The following PAK5 variants were observed in gnomAD, a reference collection of about 807,000 sequenced individuals.
PAK5 encodes the protein p21 (RAC1) activated kinase 5.
PAK5 carries 16 observed loss-of-function variants against 65.9 expected under a neutral mutation model. The ratio of observed to expected loss-of-function variants is 0.24; its 90% CI spans 0.16 to 0.37. The LOEUF (loss-of-function observed/expected upper bound fraction) is 0.37. PAK5 is among the 10% of genes least tolerant of loss of function. The pLI is 1.00. For missense variants in PAK5, 785 were observed against 903.9 expected (o/e 0.87, Z 1.69); for synonymous variants, 371 against 354.9 (o/e 1.05, Z -0.51).
chr20:9,620,772 G>A (rs572019557), intron 3 of PAK5, among the ~76,000 whole-genome samples: 5 of 152,216 alleles, frequency 3.3e-5, no homozygotes, highest in South Asian at 2.1e-4. Flanking sequence ...GGCTTCCTCC[G>A]TGCATCTCAA....
intron 1 of PAK5, among the ~76,000 whole-genome samples, chr20:9,722,676 G>T (rs1466355477): frequency 6.6e-6 from 1 of 151,938 alleles, no homozygotes; most frequent in Non-Finnish European, 1.5e-5. Context: ...ACCAGACCAC[G>T]CATGGCTTTT....
chr20:9,709,044 C>T (rs1390329090), intron 2 of PAK5, among the ~76,000 whole-genome samples: 1 of 152,144 alleles, frequency 6.6e-6, no homozygotes, highest in African/African-American at 2.4e-5. Flanking sequence ...ACCTAAGGCA[C>T]CATTACTCTT....
chr20:9,750,767 GGC>G (rs2048566885), intron 1 of PAK5, among the ~76,000 whole-genome samples: 1 of 151,960 alleles, frequency 6.6e-6, no homozygotes, highest in African/African-American at 2.4e-5. Context: ...TGCTATTAAG[GGC>G]CATGATCGCT....
intron 2 of PAK5, among the ~76,000 whole-genome samples, chr20:9,646,106 AT>A (rs1473664779): frequency 1.3e-5 from 2 of 152,232 alleles, no homozygotes; most frequent in African/African-American, 4.8e-5. Context: ...CAGCACATTT[AT>A]TCAGTAAATA....
At chr20:9,776,572 C>A (rs1481295565) in intron 1 of PAK5, among the ~76,000 whole-genome samples, 2 of 152,140 alleles carry the variant, frequency 1.3e-5, no homozygotes, top group African/African-American at 4.8e-5. Flanking sequence ...TATATCATTT[C>A]TAGGAATGGT....
At chr20:9,548,512 A>G (rs1472962267) in intron 7 of PAK5, among the ~76,000 whole-genome samples, 1 of 152,062 alleles carries the variant, frequency 6.6e-6, no homozygotes, top group Admixed American at 6.6e-5. Flanking sequence ...CATGCACTCA[A>G]TCCTGAACTG....
At chr20:9,599,488 T>C (rs927521886) in intron 3 of PAK5, among the ~76,000 whole-genome samples, 9 of 152,250 alleles carry the variant, frequency 5.9e-5, no homozygotes, top group Non-Finnish European at 1.2e-4. Flanking sequence ...AGGATGCCAA[T>C]GTCTCCGCAT....
At chr20:9,617,464 C>T (rs575441623) in intron 3 of PAK5, among the ~76,000 whole-genome samples, 12 of 151,370 alleles carry the variant, frequency 7.9e-5, no homozygotes, top group Non-Finnish European at 1.5e-4. Flanking sequence ...CACAGTTAAG[C>T]GCTTAATTGC....
At chr20:9,616,481 C>G (rs1287819769) in intron 3 of PAK5, among the ~76,000 whole-genome samples, 1 of 152,194 alleles carries the variant, frequency 6.6e-6, no homozygotes, top group East Asian at 1.9e-4. Context: ...TCGGCTAAAG[C>G]CTTTGTGTTC....
chr20:9,834,413 G>A (rs1324360637), intron 1 of PAK5, among the ~76,000 whole-genome samples: 1 of 152,036 alleles, frequency 6.6e-6, no homozygotes, highest in African/African-American at 2.4e-5. Context: ...AACAATTCAG[G>A]ATTTTGACAG....
intron 1 of PAK5, among the ~76,000 whole-genome samples, chr20:9,798,924 T>C (rs987140674): frequency 1.4e-4 from 21 of 152,286 alleles, no homozygotes; most frequent in Middle Eastern, 6.8e-3. Flanking sequence ...CAATATTTTT[T>C]AACAAGATTC....
chr20:9,733,805 T>G (rs1389107595), intron 1 of PAK5, among the ~76,000 whole-genome samples: 1 of 152,172 alleles, frequency 6.6e-6, no homozygotes, highest in East Asian at 1.9e-4. Context: ...GGCTGGTCAT[T>G]TGAAAGACTG....
intron 2 of PAK5, among the ~76,000 whole-genome samples, chr20:9,669,383 T>C (rs1039818059): frequency 1.1e-4 from 16 of 152,200 alleles, no homozygotes; most frequent in African/African-American, 3.6e-4. Flanking sequence ...ATTTCCCTTT[T>C]TAACTTTTAT....
chr20:9,693,272 A>G (rs2123439304), intron 2 of PAK5, among the ~76,000 whole-genome samples: 1 of 152,254 alleles, frequency 6.6e-6, no homozygotes, highest in South Asian at 2.1e-4. Context: ...TAAGAGTGGG[A>G]TAAGACCCTC....
chr20:9,727,643 C>CATTT (rs36094299), intron 1 of PAK5, among the ~76,000 whole-genome samples: 26,317 of 151,324 alleles, frequency 0.17, 2,653 homozygotes, highest in East Asian at 0.39. Context: ...CCTTCTCCCC[C>CATTT]ATTTATTTAT....
At chr20:9,769,189 A>G (rs1046453410) in intron 1 of PAK5, among the ~76,000 whole-genome samples, 1 of 152,262 alleles carries the variant, frequency 6.6e-6, no homozygotes, top group Non-Finnish European at 1.5e-5. Context: ...ATGTGAAAAT[A>G]CAGACATATG....
rs373656255 is a variant in PAK5 at position 9,629,259 on chromosome 20, T to C, written c.204+14866A>G. Among the ~76,000 whole-genome samples, 9 of 152,334 alleles carry C rather than the reference T, an allele frequency of 5.9e-5. No individual in the cohort carries two copies. In the East Asian group the frequency reaches 1.5e-3, roughly 26 times the overall value. On this transcript the variant is annotated intron_variant, in intron 3 of 9. Coordinates refer to ENST00000353224, the MANE Select transcript of PAK5 (RefSeq NM_177990.4). ...CTAACAAATGTGTGTTGTTTTCAGC[T>C]GTTATATTTATGGTAATTTGTTACA...
chr20:9,705,907 T>C (rs1169512969), intron 2 of PAK5, among the ~76,000 whole-genome samples: 1 of 152,164 alleles, frequency 6.6e-6, no homozygotes, highest in Non-Finnish European at 1.5e-5. Context: ...GATGCTAATA[T>C]TAGCCTGTTA....
chr20:9,538,621 T>G lies in PAK5; in HGVS notation c.*841A>C. ...GGGCACTGAGGGAAACATTGTGGTG[T>G]GCAAAAGAATGGTTTGCTACTAGAG... On this transcript the variant is annotated 3_prime_UTR_variant, in exon 10 of 10. Coordinates refer to ENST00000353224, the MANE Select transcript of PAK5 (RefSeq NM_177990.4). The G allele has an allele frequency of 4.3e-6, 1 of 233,292 alleles. No homozygotes were observed. The allele number at this position is 233,292 out of a possible 1,614,324, so 14.5% of individuals were successfully genotyped here.
Sources: gnomAD v4.1 joint callset for allele counts (sites outside exome capture counted in the v4.1 genomes callset) on GRCh38, gnomAD v4.1.1 for gene constraint, MANE v1.5 for transcripts, NCBI Gene and HGNC (gene_info 2026-07-23, HGNC 2026-07-21) for gene names.